GABPB2: variants seen among roughly 807,000 people sequenced by gnomAD.
GABPB2 encodes GA-binding protein subunit beta-2.
GABPB2 carries 23 observed loss-of-function variants against 39.1 expected under a neutral mutation model. That is an observed-to-expected ratio of 0.59 (90% CI 0.42 to 0.83). The LOEUF (loss-of-function observed/expected upper bound fraction) is 0.83. Among genes scored for constraint, GABPB2 ranks in the 40% least tolerant of loss-of-function variants. The pLI is 0.00. For missense variants in GABPB2, 467 were observed against 541.1 expected, an observed-to-expected ratio of 0.86 and a Z score of 1.36; for synonymous variants, 184 against 199.3, an observed-to-expected ratio of 0.92 and a Z score of 0.65.
chr1:151,082,076 C>CTTTTTTT (rs1215494134), intron 1 of GABPB2, among the ~76,000 whole-genome samples: 9 of 131,604 alleles, frequency 6.8e-5, no homozygotes, highest in African/African-American at 5.6e-5. Flanking sequence ...ATTTCTTTTT[C>CTTTTTTT]TTTTTTTTTT....
chr1:151,084,617 C>G (rs1040983632), intron 1 of GABPB2, among the ~76,000 whole-genome samples: 3 of 144,216 alleles, frequency 2.1e-5, no homozygotes, highest in Admixed American at 7.2e-5. Flanking sequence ...TCACTGCAAG[C>G]TCCGCCTCCC....
intron 1 of GABPB2, 72 bp from the exon 2 acceptor site, chr1:151,088,118 A>G (rs1558134097): frequency 9.4e-7 from 1 of 1,065,928 alleles, no homozygotes; most frequent in Non-Finnish European, 1.4e-6. Flanking sequence ...GAAGTCTTCT[A>G]AAAAATGTAT....
intron 6 of GABPB2, among the ~76,000 whole-genome samples, chr1:151,106,371 T>C (rs1679967335): frequency 6.6e-6 from 1 of 151,156 alleles, no homozygotes; most frequent in Non-Finnish European, 1.5e-5. Flanking sequence ...AGAGTCTCGC[T>C]CTGTCGCTCA....
chr1:151,112,085 G>C (rs1460734808), intron 7 of GABPB2, among the ~76,000 whole-genome samples: 6 of 148,484 alleles, frequency 4.0e-5, no homozygotes, highest in African/African-American at 1.5e-4. Flanking sequence ...TTAGCTGGGC[G>C]TGGTGGTGGG....
chr1:151,118,384 C>A lies in GABPB2; in HGVS notation c.*128C>A. ...AAGAAAACTATAGCAGGGTACAATG[C>A]TTGGGCTCAGGAAGTTTCTCTGTGC... On this transcript the variant is annotated 3_prime_UTR_variant, in exon 9 of 9. Coordinates refer to ENST00000368918, the MANE Select transcript of GABPB2 (RefSeq NM_144618.3). The A allele has an allele frequency of 1.1e-6, 1 of 899,420 alleles. No homozygotes were observed. The highest frequency in any genetic ancestry group is 1.6e-6 in the Non-Finnish European group (1 of 613,532). 55.7% of individuals were successfully genotyped at this position (899,420 alleles called of 1,614,324 possible).
rs1678055213 is a variant in GABPB2 at position 151,084,958 on chromosome 1, G to A, written c.1-3232G>A. 2.0e-5 allele frequency among the ~76,000 whole-genome samples: 3 copies of A among 152,160 alleles called. No homozygotes were observed. In the South Asian group the frequency reaches 6.2e-4, roughly 32 times the overall value. On this transcript the variant is annotated intron_variant, in intron 1 of 8. Coordinates refer to ENST00000368918, the MANE Select transcript of GABPB2 (RefSeq NM_144618.3). ...AAAAAATTTAAAAAAAAATTAGCTG[G>A]GCATGGTGCCACTTGCCTGTAGTCT...
At chr1:151,085,992 T>C (rs1434618782) in intron 1 of GABPB2, among the ~76,000 whole-genome samples, 3 of 152,106 alleles carry the variant, frequency 2.0e-5, no homozygotes, top group Non-Finnish European at 4.4e-5. Flanking sequence ...ACGCCTGTAA[T>C]CCCAACACTG....
intron 1 of GABPB2, among the ~76,000 whole-genome samples, chr1:151,077,996 C>T (rs1489801095): frequency 6.6e-6 from 1 of 151,292 alleles, no homozygotes; most frequent in African/African-American, 2.4e-5. Flanking sequence ...AAAGGCCGGG[C>T]ACGGTGGCTC....
chr1:151,100,315 TTG>T (rs1679414554), intron 5 of GABPB2, among the ~76,000 whole-genome samples: 1 of 152,028 alleles, frequency 6.6e-6, no homozygotes, highest in Admixed American at 6.6e-5. Context: ...TGGCTAATTT[TTG>T]TATCTTTAGT....
At position 151,122,317 on chromosome 1, in the gene GABPB2, G is replaced by A. The variant is rs1681212859; in HGVS notation, c.*4061G>A. 1 of 152,168 alleles carries A rather than the reference G, an allele frequency of 6.6e-6. No homozygotes were observed. Among genetic ancestry groups the A allele is most frequent in the Admixed American group, 6.5e-5 (1 of 15,272 alleles). The allele number at this position is 152,168 out of a possible 1,614,324, so 9.4% of individuals were successfully genotyped here. ...TTGGGGATGACAGGAAAATGTGAGG[G>A]GGAGTAGCCTAGGTAAGGGTGATGA... is the stretch of plus-strand genomic sequence containing the variant. On this transcript the variant is annotated 3_prime_UTR_variant, in exon 9 of 9. Coordinates refer to ENST00000368918, the MANE Select transcript of GABPB2 (RefSeq NM_144618.3).
intron 1 of GABPB2, among the ~76,000 whole-genome samples, chr1:151,074,894 A>G (rs1368213683): frequency 1.3e-5 from 2 of 152,094 alleles, no homozygotes; most frequent in Non-Finnish European, 2.9e-5. Context: ...GGCTCACACC[A>G]CTTTGGGAGG....
In GABPB2 at chr1:151,093,391, G is replaced by T; in HGVS notation, c.471+5G>T. 2 of 1,571,196 alleles carry T rather than the reference G, an allele frequency of 1.3e-6. No individual in the cohort carries two copies. The highest frequency in any genetic ancestry group is 1.7e-6 in the Non-Finnish European group (2 of 1,158,770). ...GAGATTTTGGTCATCCTCCAGGTGTGGTTCTTTTTATACTCTCCAGAATGT... is the reference window on the plus strand; with the variant it reads ...GAGATTTTGGTCATCCTCCAGGTGTTGTTCTTTTTATACTCTCCAGAATGT... On this transcript the variant is annotated splice_donor_5th_base_variant and intron_variant, in intron 4 of 8. Coordinates refer to ENST00000368918, the MANE Select transcript of GABPB2 (RefSeq NM_144618.3).
Position 151,117,513 on chromosome 1 carries a change from C to A in GABPB2, c.1044C>A (p.Ser348Arg). 1 of 1,613,596 alleles carries A rather than the reference C, an allele frequency of 6.2e-7. No homozygotes were observed. Among genetic ancestry groups the A allele is most frequent in the East Asian group, 2.2e-5 (1 of 44,872 alleles). Residue 348 changes from serine to arginine, a missense_variant, in exon 8 of 9, where the codon AGC (serine) becomes AGA (arginine). By Grantham distance (110) the Ser-to-Arg change is moderately radical. Transcript: ENST00000368918. ...AGAAGACAAACAGTGTGGAGGAAAGCAAGGTAATGTTTTTAGGAGTGATGA... is the reference window on the plus strand; with the variant it reads ...AGAAGACAAACAGTGTGGAGGAAAGAAAGGTAATGTTTTTAGGAGTGATGA... ...IGEKTNSVEE[S>R]KEGNERELLQ...
At chr1:151,093,159 CTGTT>C in intron 3 of GABPB2, 29 bp from the exon 4 acceptor site, 1 of 1,519,670 alleles carries the variant, frequency 6.6e-7, no homozygotes, top group Non-Finnish European at 8.9e-7. Flanking sequence ...ACTATAACCG[CTGTT>C]TGTTGAAAAA....
At chr1:151,098,253 T>C (rs587767256) in intron 5 of GABPB2, among the ~76,000 whole-genome samples, 1 of 152,156 alleles carries the variant, frequency 6.6e-6, no homozygotes, top group South Asian at 2.1e-4. Flanking sequence ...GTGGCTCATA[T>C]CTGTAATCCC....
chr1:151,098,441 C>T (rs1044985797), intron 5 of GABPB2, among the ~76,000 whole-genome samples: 3 of 149,860 alleles, frequency 2.0e-5, no homozygotes, highest in African/African-American at 4.9e-5. Flanking sequence ...GTTGGACTTA[C>T]TGTGAGTTAT....
At position 151,100,167 on chromosome 1, in the gene GABPB2, C is replaced by T. The variant is rs587772069; in HGVS notation, c.622+2165C>T. Among the ~76,000 whole-genome samples, 625 of 140,452 alleles carry T rather than the reference C, an allele frequency of 4.4e-3. 1 individual carries two copies. The highest frequency in any genetic ancestry group is 0.016 in the African/African-American group (597 of 37,560). 92.1% of individuals were successfully genotyped at this position (140,452 alleles called of 152,430 possible). On this transcript the variant is annotated intron_variant, in intron 5 of 8. Coordinates refer to ENST00000368918, the MANE Select transcript of GABPB2 (RefSeq NM_144618.3). ...ACTTTTTTTTTTTTTTTTTTTGAGACGGAGTCTCGCTCTGTCGCCCAGGCT... is the reference window on the plus strand; with the variant it reads ...ACTTTTTTTTTTTTTTTTTTTGAGATGGAGTCTCGCTCTGTCGCCCAGGCT...
At chr1:151,083,448 A>G (rs965213814) in intron 1 of GABPB2, among the ~76,000 whole-genome samples, 3 of 152,168 alleles carry the variant, frequency 2.0e-5, no homozygotes, top group South Asian at 2.1e-4. Flanking sequence ...CCTGGCCAAC[A>G]TGGCGAAAAC....
intron 4 of GABPB2, among the ~76,000 whole-genome samples, chr1:151,094,040 G>A (rs1026440855): frequency 3.1e-5 from 4 of 127,402 alleles, no homozygotes; most frequent in South Asian, 2.4e-4. Flanking sequence ...TGATGATTTC[G>A]TCCTTTTTTT....
Sources: allele counts gnomAD v4.1 joint callset (sites outside exome capture counted in the v4.1 genomes callset), GRCh38; gene constraint gnomAD v4.1.1; transcripts MANE v1.5; gene names NCBI Gene and HGNC (gene_info 2026-07-23, HGNC 2026-07-21).